CNTN3: variants seen among roughly 807,000 people sequenced by gnomAD.
The protein encoded by CNTN3 is contactin-3.
CNTN3 carries 60 observed loss-of-function variants against 119.1 expected under a neutral mutation model. The observed-to-expected ratio is 0.50, with a 90% CI of 0.41 to 0.62. The LOEUF (loss-of-function observed/expected upper bound fraction) is 0.62, where lower values mean the gene tolerates loss of function less well. CNTN3 is among the 20% of genes least tolerant of loss of function. CNTN3 has a pLI of 0.00. For synonymous variants in CNTN3, 450 were observed against 438.7 expected (o/e 1.03, Z -0.32); for missense variants, 1,101 against 1,242.4 (o/e 0.89, Z 1.71).
chr3:74,442,150 C>CAT (rs202209613), intron 4 of CNTN3, among the ~76,000 whole-genome samples: 21 of 97,894 alleles, frequency 2.1e-4, no homozygotes, highest in Middle Eastern at 5.6e-3. Flanking sequence ...TGCAAGTACA[C>CAT]ACACACACAC....
intron 1 of CNTN3, among the ~76,000 whole-genome samples, chr3:74,590,873 T>C (rs992760356): frequency 1.3e-5 from 2 of 151,992 alleles, no homozygotes; most frequent in African/African-American, 4.8e-5. Flanking sequence ...GTCAACAACT[T>C]GACTCAGTGA....
In CNTN3 at chr3:74,371,197, A is replaced by T; in HGVS notation, c.657T>A (p.Asp219Glu). 3 of 1,611,818 alleles carry T rather than the reference A, an allele frequency of 1.9e-6. No homozygotes were observed. Among genetic ancestry groups the T allele is most frequent in the Non-Finnish European group, 2.5e-6 (3 of 1,178,254 alleles). ...GSPTPLVLRSDGVMGEYEPKI... is the reference protein window; with the variant it reads ...GSPTPLVLRSEGVMGEYEPKI... ...GTGCACTTGGAGAAGTTTCATTACC[A>T]TCAGAACGTAGCACCAAAGGAGTTG... The change falls in exon 6 of 23, where the codon GAT becomes GAA. Residue 219 changes from aspartate to glutamate, a missense_variant and splice_region_variant. Asp to Glu is a conservative substitution (Grantham distance 45). Transcript: ENST00000263665.
intron 5 of CNTN3, among the ~76,000 whole-genome samples, chr3:74,376,258 T>C (rs1004409004): frequency 4.6e-5 from 7 of 152,112 alleles, no homozygotes; most frequent in African/African-American, 1.7e-4. Context: ...TCCCCCTGGT[T>C]CATGGACCAG....
intron 13 of CNTN3, among the ~76,000 whole-genome samples, chr3:74,322,348 C>G (rs1417984370): frequency 1.3e-5 from 2 of 151,886 alleles, no homozygotes; most frequent in East Asian, 1.9e-4. Context: ...AGACCTGAAC[C>G]AACACTTCAT....
At chr3:74,598,640 A>C (rs1354251807) in intron 1 of CNTN3, among the ~76,000 whole-genome samples, 1 of 152,062 alleles carries the variant, frequency 6.6e-6, no homozygotes, top group Non-Finnish European at 1.5e-5. Flanking sequence ...TGTGTCCTTT[A>C]ATATAGTAAG....
chr3:74,309,830 G>A (rs556432277), intron 13 of CNTN3, among the ~76,000 whole-genome samples: 1 of 152,258 alleles, frequency 6.6e-6, no homozygotes, highest in African/African-American at 2.4e-5. Flanking sequence ...TTTTCACCTT[G>A]AGAGATGGGC....
chr3:74,599,659 T>C (rs1704876166), intron 1 of CNTN3, among the ~76,000 whole-genome samples: 1 of 151,976 alleles, frequency 6.6e-6, no homozygotes, highest in Non-Finnish European at 1.5e-5. Flanking sequence ...GTAATAGTAA[T>C]AGGATACAAA....
chr3:74,559,916 C>T (rs1272708805), intron 1 of CNTN3, among the ~76,000 whole-genome samples: 2 of 152,258 alleles, frequency 1.3e-5, no homozygotes, highest in African/African-American at 4.8e-5. Flanking sequence ...CTGGGGCACA[C>T]TAATATCCCT....
At chr3:74,400,165 T>C (rs1705156140) in intron 5 of CNTN3, among the ~76,000 whole-genome samples, 1 of 152,206 alleles carries the variant, frequency 6.6e-6, no homozygotes, top group Non-Finnish European at 1.5e-5. Context: ...AATTAAAATT[T>C]GTCAGTAAAC....
chr3:74,590,893 G>A (rs1704691439), intron 1 of CNTN3, among the ~76,000 whole-genome samples: 1 of 151,918 alleles, frequency 6.6e-6, no homozygotes, highest in South Asian at 2.1e-4. Flanking sequence ...ATATTGGTCT[G>A]CTGCTGCAGC....
chr3:74,469,327 A>T (rs752493515), intron 4 of CNTN3, among the ~76,000 whole-genome samples: 1 of 152,134 alleles, frequency 6.6e-6, no homozygotes, highest in Non-Finnish European at 1.5e-5. Context: ...AGACTCTCAA[A>T]TTGAAGACAG....
intron 20 of CNTN3, among the ~76,000 whole-genome samples, chr3:74,270,045 C>G (rs555039827): frequency 1.3e-5 from 2 of 152,106 alleles, no homozygotes; most frequent in African/African-American, 4.8e-5. Context: ...TTTAAAAAAG[C>G]TTGCTAAGAT....
At chr3:74,518,238 C>T (rs1439591477) in intron 2 of CNTN3, among the ~76,000 whole-genome samples, 1 of 151,900 alleles carries the variant, frequency 6.6e-6, no homozygotes, top group Admixed American at 6.6e-5. Flanking sequence ...GAACAAAATA[C>T]ACCAACAGTG....
At chr3:74,383,751 C>T (rs1704680735) in intron 5 of CNTN3, among the ~76,000 whole-genome samples, 1 of 152,166 alleles carries the variant, frequency 6.6e-6, no homozygotes, top group Admixed American at 6.5e-5. Context: ...TCCCAAAGTG[C>T]TGGGATTATA....
intron 4 of CNTN3, among the ~76,000 whole-genome samples, chr3:74,437,411 G>A (rs951188555): frequency 6.6e-6 from 1 of 151,946 alleles, no homozygotes; most frequent in African/African-American, 2.4e-5. Context: ...GCAGTGAGCC[G>A]AGATCGCACC....
intron 1 of CNTN3, among the ~76,000 whole-genome samples, chr3:74,612,960 C>A (rs111771939): frequency 1.7e-4 from 26 of 152,300 alleles, no homozygotes; most frequent in African/African-American, 6.3e-4. Context: ...CTGCAGTCAA[C>A]TTTCTCCCTA....
chr3:74,408,618 A>C lies in CNTN3; in HGVS notation c.454+16227T>G, dbSNP rs529956052. On this transcript the variant is annotated intron_variant, in intron 5 of 22. Coordinates refer to ENST00000263665, the MANE Select transcript of CNTN3 (RefSeq NM_020872.3). The stretch of plus-strand genomic sequence containing the variant: ...GCCATTCTCAACTATATGCATTCAC[A>C]TCTCATCTCCCAATTTACGGCAGAG... Among the ~76,000 whole-genome samples, 79 of 152,206 alleles carry C rather than the reference A, an allele frequency of 5.2e-4. 1 individual carries two copies. In the South Asian group the frequency reaches 5.4e-3, roughly 10 times the overall value.
intron 1 of CNTN3, among the ~76,000 whole-genome samples, chr3:74,575,861 G>A (rs1704407118): frequency 6.6e-6 from 1 of 151,964 alleles, no homozygotes; most frequent in South Asian, 2.1e-4. Context: ...GGAATCTAGT[G>A]CCTCTACTGT....
chr3:74,395,271 G>A (rs1453212206), intron 5 of CNTN3, among the ~76,000 whole-genome samples: 1 of 152,054 alleles, frequency 6.6e-6, no homozygotes, highest in Non-Finnish European at 1.5e-5. Context: ...ACAGCTAAGG[G>A]CATCATACAT....
Sources: allele counts gnomAD v4.1 joint callset (sites outside exome capture counted in the v4.1 genomes callset), GRCh38; gene constraint gnomAD v4.1.1; transcripts MANE v1.5; gene names NCBI Gene and HGNC (gene_info 2026-07-23, HGNC 2026-07-21).